ZNF12: variants seen among roughly 807,000 people sequenced by gnomAD.
ZNF12 encodes zinc finger protein 12, also known as gonadotropin inducible transcription repressor 3.
ZNF12 carries 34 observed loss-of-function variants against 66.6 expected under a neutral mutation model. The observed-to-expected ratio is 0.51, with a 90% confidence interval of 0.39 to 0.68. The LOEUF (loss-of-function observed/expected upper bound fraction) is 0.68. Among genes scored for constraint, ZNF12 ranks in the 30% least tolerant of loss-of-function variants. The pLI, the probability that ZNF12 is intolerant of heterozygous loss-of-function variation, is 0.00. For missense variants in ZNF12, 697 were observed against 826.9 expected (o/e 0.84, Z 1.93); for synonymous variants, 320 against 278.9 (o/e 1.15, Z -1.47).
chr7:6,706,082 C>T (rs1273483126), intron 1 of ZNF12, among the ~76,000 whole-genome samples: 1 of 152,132 alleles, frequency 6.6e-6, no homozygotes, highest in Non-Finnish European at 1.5e-5. Flanking sequence ...GCAGGCTGTT[C>T]CTGCACTACA....
At chr7:6,694,732 T>G (rs1195926800) in intron 4 of ZNF12, among the ~76,000 whole-genome samples, 1 of 152,066 alleles carries the variant, frequency 6.6e-6, no homozygotes, top group Non-Finnish European at 1.5e-5. Flanking sequence ...CTTCATCTTC[T>G]CAAAACCTAC....
chr7:6,693,455 G>A lies in ZNF12; in HGVS notation c.239-752C>T, dbSNP rs534906482. On this transcript the variant is annotated intron_variant, in intron 4 of 4. Transcript: ENST00000405858. ...TATAGGCTTATCTTGTGAGGATAGC[G>A]ATGAGATCAACTGGAAACTTCAGTA... Among the ~76,000 whole-genome samples, 5 of 152,312 alleles carry A rather than the reference G, an allele frequency of 3.3e-5. No individual in the cohort carries two copies. The East Asian group carries it at 9.6e-4, about 29-fold the overall frequency.
chr7:6,692,250 A>C lies in ZNF12; in HGVS notation c.692T>G (p.Val231Gly). 6.2e-7 allele frequency: 1 copy of C among 1,613,880 alleles called. No homozygotes were observed. The highest frequency in any genetic ancestry group is 8.5e-7 in the Non-Finnish European group (1 of 1,179,822). Residue 231 changes from valine to glycine, a missense_variant, in exon 5 of 5, where the codon GTT becomes GGT. This residue lies in a region of ZNF12 where 241 missense variants were observed against 224.0 expected (regional missense o/e 1.08). Coordinates refer to ENST00000405858, the MANE Select transcript of ZNF12 (RefSeq NM_016265.4). The surrounding 1 kb of genome is among the most constrained non-coding windows in gnomAD (Gnocchi z 5.1). ...ECQKAFQKDTVFVNHMEEKPY... is the reference protein window; with the variant it reads ...ECQKAFQKDTGFVNHMEEKPY... ...CTTTTCTTCCATGTGATTAACAAAA[A>C]CAGTGTCCTTTTGGAAGGCTTTCTG...
rs1218863591 is a variant in ZNF12 at position 6,689,476 on chromosome 7, C to T, written c.*1372G>A. On this transcript the variant is annotated 3_prime_UTR_variant, in exon 5 of 5. Transcript: ENST00000405858. ...GTGACCACTGTAAATCAACTGCTGG[C>T]AACGAGAAGGGGAGTGTCACTGGTT... The T allele has an allele frequency of 6.6e-6, 1 of 152,244 alleles. No homozygotes were observed. Among genetic ancestry groups the T allele is most frequent in the African/African-American group, 2.4e-5 (1 of 41,456 alleles). The allele number at this position is 152,244 out of a possible 1,614,324, so 9.4% of individuals were successfully genotyped here.
chr7:6,699,289 G>T (rs1436990600), intron 2 of ZNF12, among the ~76,000 whole-genome samples: 1 of 152,186 alleles, frequency 6.6e-6, no homozygotes, highest in African/African-American at 2.4e-5. Flanking sequence ...TTTCATATGT[G>T]GAATGACTGG....
intron 2 of ZNF12, among the ~76,000 whole-genome samples, chr7:6,704,791 G>A (rs1188828616): frequency 6.9e-6 from 1 of 145,608 alleles, no homozygotes; most frequent in Non-Finnish European, 1.5e-5. Context: ...GAATTGCAAT[G>A]GTTCAAGGGT....
chr7:6,703,615 G>A (rs531291411), intron 2 of ZNF12, among the ~76,000 whole-genome samples: 2 of 152,302 alleles, frequency 1.3e-5, no homozygotes, highest in East Asian at 3.9e-4. Flanking sequence ...CTATGACCTT[G>A]AGGGGTCCTT....
chr7:6,703,157 C>G (rs1780285012), intron 2 of ZNF12, among the ~76,000 whole-genome samples: 1 of 152,192 alleles, frequency 6.6e-6, no homozygotes, highest in South Asian at 2.1e-4. Flanking sequence ...TTTTCTCAAG[C>G]CTGCTTTACC....
At chr7:6,702,398 A>ACCCCC in intron 2 of ZNF12, among the ~76,000 whole-genome samples, 1 of 3,364 alleles carries the variant, frequency 3.0e-4, no homozygotes, top group South Asian at 9.4e-3. Context: ...ACACACACAC[A>ACCCCC]ACCAGATTCG....
Position 6,691,036 on chromosome 7 carries a change from T to G in ZNF12, c.1906A>C (p.Asn636His). The change falls in exon 5 of 5, where the codon AAT becomes CAT. Residue 636 changes from asparagine to histidine, a missense_variant. Around this residue, in one of 3 missense-constraint regions of ZNF12, gnomAD observed 401 missense variants for 519.0 expected, o/e 0.77. Transcript: ENST00000405858. ...CGAGAGAAGGCTTTTCCACACTCAT[T>G]ACATTCAAAGGGTTTCTCTCCTGAA... ...IHSGEKPFEC[N>H]ECGKAFSRMS... 2 of 1,614,060 alleles carry G rather than the reference T, an allele frequency of 1.2e-6. No individual in the cohort carries two copies. The highest frequency in any genetic ancestry group is 8.5e-7 in the Non-Finnish European group (1 of 1,179,988).
In ZNF12 at chr7:6,692,009, G is replaced by A; in HGVS notation, c.933C>T (p.Thr311=). Residue 311 remains threonine (T), a synonymous_variant, in exon 5 of 5, where the codon ACC becomes ACT. Coordinates refer to ENST00000405858, the MANE Select transcript of ZNF12 (RefSeq NM_016265.4). The surrounding 1 kb of genome is among the most constrained non-coding windows in gnomAD (Gnocchi z 5.1). ...QCGKSFCQKG[T]LTVHQRTHTG... is the part of the protein sequence containing the mutation. ...TGTGTGTTCTCTGATGCACAGTAAG[G>A]GTTCCCTTCTGGCAGAAGGATTTCC... The A allele has an allele frequency of 6.2e-7, 1 of 1,613,236 alleles. No homozygotes were observed. Among genetic ancestry groups the A allele is most frequent in the Non-Finnish European group, 8.5e-7 (1 of 1,179,770 alleles).
At chr7:6,693,860 G>A (rs1332105814) in intron 4 of ZNF12, among the ~76,000 whole-genome samples, 1 of 152,184 alleles carries the variant, frequency 6.6e-6, no homozygotes, top group Non-Finnish European at 1.5e-5. Flanking sequence ...AGCATTTAGT[G>A]TACAAACCTT....
Position 6,697,795 on chromosome 7 carries a change from T to C in ZNF12, c.32A>G (p.Lys11Arg). The change falls in exon 3 of 5, where the codon AAG becomes AGG. Residue 11 changes from lysine (K) to arginine (R), a missense_variant. Lys to Arg is a conservative substitution (Grantham distance 26). Around this residue, in one of 3 missense-constraint regions of ZNF12, gnomAD observed 55 missense variants for 83.9 expected, o/e 0.66. Coordinates refer to ENST00000405858, the MANE Select transcript of ZNF12 (RefSeq NM_016265.4). This position sits in a 1 kb window ranked among gnomAD's most constrained non-coding sequence, Gnocchi z 6.1. ...CTGGGTGAAGTCCACAGCCACGTCC[T>C]TGAATGACACTGGCCCCTGAAATGG... is the stretch of plus-strand genomic sequence containing the variant. Reference protein sequence around the residue: MNKSLGPVSFKDVAVDFTQEE... With the variant: MNKSLGPVSFRDVAVDFTQEE... The C allele has an allele frequency of 6.2e-7, 1 of 1,614,172 alleles. No homozygotes were observed. The highest frequency in any genetic ancestry group is 8.5e-7 in the Non-Finnish European group (1 of 1,180,036).
At chr7:6,699,795 C>T (rs2115352718) in intron 2 of ZNF12, among the ~76,000 whole-genome samples, 1 of 152,088 alleles carries the variant, frequency 6.6e-6, no homozygotes, top group Non-Finnish European at 1.5e-5. Context: ...CTTTCAAGGA[C>T]TCATAAGAGG....
chr7:6,697,634 T>C lies in ZNF12; in HGVS notation c.142+51A>G. 5 of 1,608,200 alleles carry C rather than the reference T, an allele frequency of 3.1e-6. No individual in the cohort carries two copies. The highest frequency in any genetic ancestry group is 4.2e-6 in the Non-Finnish European group (5 of 1,176,632). On this transcript the variant is annotated intron_variant, in intron 3 of 4. Coordinates refer to ENST00000405858, the MANE Select transcript of ZNF12 (RefSeq NM_016265.4). This position sits in a 1 kb window ranked among gnomAD's most constrained non-coding sequence, Gnocchi z 6.1. ...AAATTTTAAGTTAAAGTCATAAAAT[T>C]TGTGAGAAATCCCATATATTTTAGC...
At position 6,692,821 on chromosome 7, in the gene ZNF12, C is replaced by T; in HGVS notation, c.239-118G>A. On this transcript the variant is annotated intron_variant, in intron 4 of 4. Coordinates refer to ENST00000405858, the MANE Select transcript of ZNF12 (RefSeq NM_016265.4). This position sits in a 1 kb window ranked among gnomAD's most constrained non-coding sequence, Gnocchi z 5.1. ...TGTGAGTAGATGCTAGCTTCATGAA[C>T]AGATGAAAATAATTCCAAGTGTACT... The T allele has an allele frequency of 9.9e-7, 1 of 1,013,570 alleles. No homozygotes were observed. The highest frequency in any genetic ancestry group is 1.4e-6 in the Non-Finnish European group (1 of 717,442). 62.8% of individuals were successfully genotyped at this position (1,013,570 alleles called of 1,614,324 possible).
Position 6,692,027 on chromosome 7 carries a change from G to A in ZNF12, c.915C>T (p.Ser305=). ...CAGTAAGGGTTCCCTTCTGGCAGAA[G>A]GATTTCCCACACTGATTACATTCGT... ...KPYECNQCGK[S]FCQKGTLTVH... The change falls in exon 5 of 5, where the codon TCC becomes TCT. Residue 305 remains serine (S), a synonymous_variant. Transcript: ENST00000405858. The surrounding 1 kb of genome is among the most constrained non-coding windows in gnomAD (Gnocchi z 5.1). The A allele has an allele frequency of 6.2e-7, 1 of 1,612,818 alleles. No homozygotes were observed. Among genetic ancestry groups the A allele is most frequent in the South Asian group, 1.1e-5 (1 of 90,918 alleles).
intron 1 of ZNF12, among the ~76,000 whole-genome samples, chr7:6,706,215 G>A (rs1019866623): frequency 6.6e-6 from 1 of 152,218 alleles, no homozygotes; most frequent in African/African-American, 2.4e-5. Context: ...GGGCTGCTGG[G>A]GTGAGGGGGG....
At chr7:6,693,943 G>A (rs559373257) in intron 4 of ZNF12, among the ~76,000 whole-genome samples, 32 of 152,122 alleles carry the variant, frequency 2.1e-4, no homozygotes, top group Non-Finnish European at 2.9e-4. Context: ...TGAGGCGGGC[G>A]GATCACTTGA....
Sources: allele counts gnomAD v4.1 joint callset (sites outside exome capture counted in the v4.1 genomes callset), GRCh38; gene constraint gnomAD v4.1.1; regional missense constraint gnomAD v4.1.1; non-coding constraint Gnocchi (gnomAD v3.1); transcripts MANE v1.5; gene names NCBI Gene and HGNC (gene_info 2026-07-23, HGNC 2026-07-21).